The following NCALD variants were observed in gnomAD, a reference collection of about 807,000 sequenced individuals.
The protein encoded by NCALD is neurocalcin delta.
A neutral mutation model predicts 18.6 loss-of-function variants in NCALD; 10 were observed. The ratio of observed to expected loss-of-function variants is 0.54; its 90% confidence interval spans 0.33 to 0.91. NCALD has a LOEUF of 0.91. NCALD is among the 40% of genes least tolerant of loss of function. The pLI is 0.03. For synonymous variants in NCALD, 88 were observed against 87.4 expected (o/e 1.01, Z -0.04); for missense variants, 184 against 247.6 (o/e 0.74, Z 1.72).
chr8:102,100,173 C>T (rs1825231343), intron 1 of NCALD, among the ~76,000 whole-genome samples: 2 of 151,952 alleles, frequency 1.3e-5, no homozygotes, highest in Admixed American at 1.3e-4. Flanking sequence ...TCAACACTTA[C>T]AACAAAAGGC....
At chr8:101,968,388 C>G (rs1820112567) in intron 2 of NCALD, among the ~76,000 whole-genome samples, 1 of 152,130 alleles carries the variant, frequency 6.6e-6, no homozygotes, top group South Asian at 2.1e-4. Flanking sequence ...ATCAAACAAG[C>G]AGATCAATAG....
chr8:101,897,080 G>A (rs1458863763), intron 3 of NCALD, among the ~76,000 whole-genome samples: 14 of 63,984 alleles, frequency 2.2e-4, no homozygotes, highest in Middle Eastern at 5.2e-3. Context: ...TGTTTATTGC[G>A]GCATTATTCA....
chr8:101,803,842 A>G (rs2131094693), intron 4 of NCALD, among the ~76,000 whole-genome samples: 1 of 152,340 alleles, frequency 6.6e-6, no homozygotes, highest in South Asian at 2.1e-4. Context: ...AGAATATTAC[A>G]TAAAGTATGT....
chr8:101,932,115 G>A (rs1289329602), intron 2 of NCALD, among the ~76,000 whole-genome samples: 3 of 152,154 alleles, frequency 2.0e-5, no homozygotes, highest in Admixed American at 1.3e-4. Context: ...AAGGCAGATC[G>A]AGGTGAGTGC....
At chr8:101,784,136 T>C (rs1812124993) in intron 1 of NCALD, among the ~76,000 whole-genome samples, 2 of 152,108 alleles carry the variant, frequency 1.3e-5, no homozygotes, top group South Asian at 4.1e-4. Context: ...TTCCCTGGCA[T>C]CAGGAGGGGG....
At chr8:101,949,533 T>C (rs1819307785) in intron 2 of NCALD, among the ~76,000 whole-genome samples, 1 of 152,092 alleles carries the variant, frequency 6.6e-6, no homozygotes, top group African/African-American at 2.4e-5. Flanking sequence ...TAAATGTTAA[T>C]AACTCGGCCT....
At chr8:101,851,001 T>C (rs1442010818) in intron 4 of NCALD, among the ~76,000 whole-genome samples, 1 of 152,190 alleles carries the variant, frequency 6.6e-6, no homozygotes, top group Non-Finnish European at 1.5e-5. Flanking sequence ...TGTTCTGTGT[T>C]TTTTGTTTTG....
At chr8:101,778,751 G>A (rs993740014) in intron 1 of NCALD, among the ~76,000 whole-genome samples, 2 of 152,060 alleles carry the variant, frequency 1.3e-5, no homozygotes, top group Admixed American at 6.6e-5. Context: ...ACCTAGTATC[G>A]TTTCCATAGT....
In NCALD at chr8:101,829,728, C is replaced by T. The variant is rs376621429; in HGVS notation, c.-20+57413G>A. 2.0e-5 allele frequency among the ~76,000 whole-genome samples: 3 copies of T among 152,120 alleles called. No individual in the cohort carries two copies. The East Asian group carries it at 5.8e-4, about 29-fold the overall frequency. ...TCTGAATTACTGAAACTGAACCTGA[C>T]GAATACCCTAAACTGAAACATTGAC... is the stretch of plus-strand genomic sequence containing the variant. On this transcript the variant is annotated intron_variant, in intron 4 of 6. Coordinates refer to the NCALD transcript ENST00000311028.
At chr8:101,832,000 C>T (rs750757184) in intron 4 of NCALD, among the ~76,000 whole-genome samples, 37 of 152,158 alleles carry the variant, frequency 2.4e-4, no homozygotes, top group Admixed American at 6.5e-5. Flanking sequence ...AGATAAAGGC[C>T]TCTTAAGCAA....
At chr8:101,722,885 G>T (rs1042749895) in intron 1 of NCALD, among the ~76,000 whole-genome samples, 1 of 152,200 alleles carries the variant, frequency 6.6e-6, no homozygotes, top group Non-Finnish European at 1.5e-5. Flanking sequence ...ATTAAGCCTA[G>T]AATTCATCTA....
At chr8:101,797,826 AGAGGAGT>A (rs1025669333) in intron 4 of NCALD, among the ~76,000 whole-genome samples, 1 of 152,012 alleles carries the variant, frequency 6.6e-6, no homozygotes, top group African/African-American at 2.4e-5. Context: ...AAAAAAAAAA[AGAGGAGT>A]GTCTTCTGTT....
intron 1 of NCALD, among the ~76,000 whole-genome samples, chr8:102,107,195 C>T (rs372836380): frequency 4.1e-4 from 37 of 89,296 alleles, no homozygotes; most frequent in East Asian, 1.4e-3. Context: ...TATGTGTGTA[C>T]ATATATATAT....
At chr8:102,003,608 A>C (rs1821570719) in intron 2 of NCALD, among the ~76,000 whole-genome samples, 1 of 152,212 alleles carries the variant, frequency 6.6e-6, no homozygotes, top group Non-Finnish European at 1.5e-5. Context: ...TCCCTGATGA[A>C]CATCGATGCA....
At chr8:101,984,157 G>A (rs1172783357) in intron 2 of NCALD, among the ~76,000 whole-genome samples, 2 of 152,032 alleles carry the variant, frequency 1.3e-5, no homozygotes, top group Non-Finnish European at 2.9e-5. Flanking sequence ...CTTATTACTT[G>A]GACAGTTCTC....
intron 3 of NCALD, among the ~76,000 whole-genome samples, chr8:101,913,873 C>T (rs921795667): frequency 3.3e-5 from 5 of 152,164 alleles, no homozygotes; most frequent in Admixed American, 1.3e-4. Context: ...TGAGACACTG[C>T]GCCTGGCCTA....
At chr8:102,053,352 AT>A (rs1823518696) in intron 1 of NCALD, among the ~76,000 whole-genome samples, 1 of 152,240 alleles carries the variant, frequency 6.6e-6, no homozygotes, top group Non-Finnish European at 1.5e-5. Context: ...AATAGTAAAT[AT>A]TTTTAATTGG....
chr8:101,831,010 G>A (rs954231241), intron 4 of NCALD, among the ~76,000 whole-genome samples: 1 of 152,108 alleles, frequency 6.6e-6, no homozygotes, highest in African/African-American at 2.4e-5. Context: ...AAAGTGCAAA[G>A]TCCCTCCATC....
intron 1 of NCALD, among the ~76,000 whole-genome samples, chr8:102,096,097 C>A (rs1825085898): frequency 6.6e-6 from 1 of 152,152 alleles, no homozygotes; most frequent in Non-Finnish European, 1.5e-5. Flanking sequence ...GAAAACTGAT[C>A]CAAAGATCCA....
Sources: gnomAD v4.1 joint callset for allele counts (sites outside exome capture counted in the v4.1 genomes callset) on GRCh38, gnomAD v4.1.1 for gene constraint, MANE v1.5 for transcripts, NCBI Gene and HGNC (gene_info 2026-07-23, HGNC 2026-07-21) for gene names.